The following SAMD4A variants were observed in gnomAD, a reference collection of about 807,000 sequenced individuals.
The protein encoded by SAMD4A is protein Smaug homolog 1.
In SAMD4A, 33 loss-of-function variants were observed where a neutral mutation model predicts 81.3. That is an observed-to-expected ratio of 0.41 (90% CI 0.31 to 0.54). The LOEUF is 0.54. Ranked by LOEUF, SAMD4A falls within the 20% of genes least tolerant of loss-of-function variation. The pLI is 0.37. For missense variants in SAMD4A, 854 were observed against 951.1 expected, an observed-to-expected ratio of 0.90 and a Z score of 1.34; for synonymous variants, 389 against 382.1, an observed-to-expected ratio of 1.02 and a Z score of -0.21.
chr14:54,783,144 T>C (rs1325749345), intron 11 of SAMD4A, among the ~76,000 whole-genome samples: 7 of 146,104 alleles, frequency 4.8e-5, no homozygotes, highest in African/African-American at 1.8e-4. Flanking sequence ...TTCAAACCAG[T>C]GTCACAAAAC....
At position 54,619,687 on chromosome 14, in the gene SAMD4A, T is replaced by C. The variant is rs577118623; in HGVS notation, c.196+51575T>C. The stretch of plus-strand genomic sequence containing the variant: ...TCCCAGTGTCTGTTGTTCCCCTCTA[T>C]GTGTCCAAGTGTTCTCATCATGTAG... On this transcript the variant is annotated intron_variant, in intron 2 of 12. Transcript: ENST00000554335. 2.0e-5 allele frequency among the ~76,000 whole-genome samples: 3 copies of C among 152,308 alleles called. No individual in the cohort carries two copies. In the East Asian group the frequency reaches 5.8e-4, roughly 29 times the overall value.
chr14:54,678,914 G>A (rs1318908347), intron 2 of SAMD4A, among the ~76,000 whole-genome samples: 1 of 152,146 alleles, frequency 6.6e-6, no homozygotes, highest in East Asian at 1.9e-4. Flanking sequence ...CTACCTTCTT[G>A]TGGACTCGAT....
chr14:54,750,740 T>C (rs925658017), intron 5 of SAMD4A, among the ~76,000 whole-genome samples: 15 of 152,140 alleles, frequency 9.9e-5, no homozygotes, highest in Admixed American at 9.8e-4. Flanking sequence ...CATGAATATC[T>C]ATATGGGGTT....
At chr14:54,577,882 C>G (rs908203364) in intron 2 of SAMD4A, among the ~76,000 whole-genome samples, 1 of 152,204 alleles carries the variant, frequency 6.6e-6, no homozygotes, top group Non-Finnish European at 1.5e-5. Context: ...GGGTTAAATT[C>G]TCCGTCCATG....
At chr14:54,566,355 C>A (rs1018008644), upstream of SAMD4A, among the ~76,000 whole-genome samples, 3 of 151,774 alleles carry the variant, frequency 2.0e-5, no homozygotes, top group African/African-American at 7.2e-5. Flanking sequence ...ACCCGCGGGT[C>A]ACTGGGGGTC....
chr14:54,686,460 T>G (rs2036271951), intron 2 of SAMD4A, among the ~76,000 whole-genome samples: 1 of 152,150 alleles, frequency 6.6e-6, no homozygotes, highest in Non-Finnish European at 1.5e-5. Flanking sequence ...ATGTGAATCA[T>G]AGCTTTTCCA....
chr14:54,704,689 A>T (rs1490029805), intron 3 of SAMD4A, among the ~76,000 whole-genome samples: 1 of 152,232 alleles, frequency 6.6e-6, no homozygotes, highest in Non-Finnish European at 1.5e-5. Context: ...GGAAGAAGGC[A>T]GGCATCGGAG....
At chr14:54,568,162 C>T in intron 2 of SAMD4A, 50 bp downstream of exon 2, 3 of 1,394,104 alleles carry the variant, frequency 2.2e-6, no homozygotes, top group South Asian at 1.5e-5. Flanking sequence ...AACCCCCGCT[C>T]CTCCCTCCGC....
chr14:54,751,976 C>G (rs997167282), intron 6 of SAMD4A, among the ~76,000 whole-genome samples: 3 of 152,144 alleles, frequency 2.0e-5, no homozygotes, highest in Non-Finnish European at 4.4e-5. Flanking sequence ...AAGCTGCCCC[C>G]AGAGTGGTAA....
intron 2 of SAMD4A, chr14:54,685,869 C>T: frequency 2.2e-6 from 1 of 456,592 alleles, no homozygotes; most frequent in South Asian, 1.5e-5. Flanking sequence ...AGATCAGCTT[C>T]AGTTTCCTGA....
intron 12 of SAMD4A, among the ~76,000 whole-genome samples, chr14:54,787,382 C>G (rs2039167896): frequency 6.6e-6 from 1 of 152,210 alleles, no homozygotes; most frequent in Non-Finnish European, 1.5e-5. Flanking sequence ...TGAGGAAGTG[C>G]TTCTCCTCCA....
intron 2 of SAMD4A, among the ~76,000 whole-genome samples, chr14:54,671,702 T>G (rs761518632): frequency 2.0e-5 from 3 of 152,190 alleles, no homozygotes; most frequent in Non-Finnish European, 4.4e-5. Flanking sequence ...GTGTGAAGCC[T>G]GAATCTGAAC....
chr14:54,640,284 G>T (rs2035144481), intron 2 of SAMD4A, among the ~76,000 whole-genome samples: 2 of 152,176 alleles, frequency 1.3e-5, no homozygotes, highest in South Asian at 4.2e-4. Flanking sequence ...TTTACTCTGG[G>T]TTTGTAAATC....
chr14:54,620,355 G>GCAT lies in SAMD4A; in HGVS notation c.196+52268_196+52270dup, dbSNP rs34908548. Among the ~76,000 whole-genome samples, 650 of 151,068 alleles carry GCAT rather than the reference G, an allele frequency of 4.3e-3. 3 individuals are homozygous for GCAT. Among genetic ancestry groups the GCAT allele is most frequent in the African/African-American group, 0.013 (529 of 41,168 alleles). ...CAACAAAAATAAGCACCATGTTGGA[G>GCAT]CATCATCATCATCATCATCATCATC... On this transcript the variant is annotated intron_variant, in intron 2 of 12. Coordinates refer to ENST00000554335, the MANE Select transcript of SAMD4A (RefSeq NM_015589.6).
intron 2 of SAMD4A, among the ~76,000 whole-genome samples, chr14:54,663,129 T>A (rs2035681096): frequency 6.6e-6 from 1 of 152,196 alleles, no homozygotes; most frequent in South Asian, 2.1e-4. Flanking sequence ...CTGCCTCAAA[T>A]CCTTCATGGA....
intron 2 of SAMD4A, among the ~76,000 whole-genome samples, chr14:54,636,746 A>G (rs1038387056): frequency 1.3e-5 from 2 of 152,160 alleles, no homozygotes; most frequent in African/African-American, 4.8e-5. Context: ...GAATTATCCT[A>G]AGCTTTTTGA....
Position 54,736,949 on chromosome 14 carries a change from G to A in SAMD4A, c.716-75G>A. On this transcript the variant is annotated intron_variant, in intron 3 of 12. Transcript: ENST00000554335. ...AGTTAGTGGTATCTCTCAGGGTTAA[G>A]AGGTATTGTGGGTTCTTCGGTGTCC... 3 of 1,521,866 alleles carry A rather than the reference G, an allele frequency of 2.0e-6. No homozygotes were observed. The Admixed American group carries it at 5.1e-5, about 26-fold the overall frequency. The allele number at this position is 1,521,866 out of a possible 1,614,324, so 94.3% of individuals were successfully genotyped here. A position where few individuals can be genotyped will look rare whatever the true frequency, so the allele number is the denominator to read the frequency against.
intron 2 of SAMD4A, among the ~76,000 whole-genome samples, chr14:54,611,379 G>A (rs2034350873): frequency 6.6e-6 from 1 of 152,178 alleles, no homozygotes; most frequent in Non-Finnish European, 1.5e-5. Flanking sequence ...TTCCGAGTGG[G>A]CAGAAATTCC....
At chr14:54,721,381 G>A (rs1185735443) in intron 3 of SAMD4A, among the ~76,000 whole-genome samples, 1 of 152,104 alleles carries the variant, frequency 6.6e-6, no homozygotes, top group Admixed American at 6.5e-5. Flanking sequence ...CAATTTTGAG[G>A]GTTAGATAAT....
Sources: gnomAD v4.1 joint callset for allele counts (sites outside exome capture counted in the v4.1 genomes callset) on GRCh38, gnomAD v4.1.1 for gene constraint, MANE v1.5 for transcripts, NCBI Gene and HGNC (gene_info 2026-07-23, HGNC 2026-07-21) for gene names.